The following VWDE variants were observed in gnomAD, a reference collection of about 807,000 sequenced individuals.
VWDE encodes the protein von Willebrand factor D and EGF domains.
In VWDE, 207 loss-of-function variants were observed where a neutral mutation model predicts 178.4. The ratio of observed to expected loss-of-function variants is 1.16; its 90% confidence interval spans 1.04 to 1.30. VWDE has a LOEUF of 1.30. Ranked by LOEUF, VWDE falls within the 50% of genes most tolerant of loss-of-function variation. The pLI is 0.00. For synonymous variants in VWDE, 738 were observed against 651.4 expected, an observed-to-expected ratio of 1.13 and a Z score of -2.02; for missense variants, 2,287 against 1,901.3, an observed-to-expected ratio of 1.20 and a Z score of -3.77.
At chr7:12,366,826 T>A (rs1381098616) in intron 13 of VWDE, among the ~76,000 whole-genome samples, 1 of 152,098 alleles carries the variant, frequency 6.6e-6, no homozygotes, top group Non-Finnish European at 1.5e-5. Flanking sequence ...TAAATAATCA[T>A]CAAAAATAAG....
At chr7:12,370,611 A>C in intron 11 of VWDE, 45 bp downstream of exon 11, 1 of 1,539,780 alleles carries the variant, frequency 6.5e-7, no homozygotes, top group South Asian at 1.2e-5. Context: ...CACCCGTTTT[A>C]AGTCTAATAT....
chr7:12,380,249 G>C (rs1583332695), intron 5 of VWDE, among the ~76,000 whole-genome samples: 2 of 150,328 alleles, frequency 1.3e-5, no homozygotes, highest in South Asian at 4.2e-4. Context: ...ATATAAAAAA[G>C]GATTAATAAT....
chr7:12,398,317 A>C (rs1488057261), intron 1 of VWDE, among the ~76,000 whole-genome samples: 1 of 152,138 alleles, frequency 6.6e-6, no homozygotes, highest in African/African-American at 2.4e-5. Context: ...GTCTTATCTG[A>C]GTTCCTTTCT....
intron 13 of VWDE, among the ~76,000 whole-genome samples, chr7:12,366,026 T>C (rs1782839616): frequency 6.6e-6 from 1 of 151,998 alleles, no homozygotes; most frequent in Admixed American, 6.6e-5. Context: ...TCTCATGAGA[T>C]CTCGATGGTT....
intron 13 of VWDE, among the ~76,000 whole-genome samples, chr7:12,363,813 C>A (rs1240649240): frequency 6.6e-6 from 1 of 151,792 alleles, no homozygotes; most frequent in African/African-American, 2.4e-5. Flanking sequence ...TTATAATCAA[C>A]CAGAGTGTGG....
chr7:12,400,660 A>T (rs1784853980), intron 1 of VWDE, among the ~76,000 whole-genome samples: 1 of 151,812 alleles, frequency 6.6e-6, no homozygotes. Context: ...AACACTTTCA[A>T]AAAATAGAAG....
Position 12,333,480 on chromosome 7 carries a change from A to C in VWDE, c.4743T>G (p.Cys1581Trp). Residue 1581 changes from cysteine to tryptophan, a missense_variant, in exon 28 of 29, where the codon TGT becomes TGG. Transcript: ENST00000275358. The part of the protein sequence containing the change: ...SCRTEYSGVK[C>W]EKKIQIRRH The stretch of plus-strand genomic sequence containing the variant: ...TCTGAAATACCTGTATTTTCTTCTC[A>C]CATTTGACTCCAGAGTATTCAGTGC... 1 of 1,544,946 alleles carries C rather than the reference A, an allele frequency of 6.5e-7. No individual in the cohort carries two copies. Among genetic ancestry groups the C allele is most frequent in the Non-Finnish European group, 8.8e-7 (1 of 1,142,834 alleles).
At chr7:12,333,956 G>A (rs1780873935) in intron 27 of VWDE, among the ~76,000 whole-genome samples, 1 of 151,922 alleles carries the variant, frequency 6.6e-6, no homozygotes, top group Admixed American at 6.6e-5. Flanking sequence ...AGACAACCCA[G>A]TACTGGCTAG....
intron 21 of VWDE, 57 bp downstream of exon 21, chr7:12,344,138 A>AAAGAAAAT: frequency 6.9e-7 from 1 of 1,445,352 alleles, no homozygotes; most frequent in Non-Finnish European, 9.5e-7. Context: ...AATGGTTTTT[A>AAAGAAAAT]AAGAAAATTA....
chr7:12,370,435 C>A lies in VWDE; in HGVS notation c.1871G>T (p.Ser624Ile). 6.5e-7 allele frequency: 1 copy of A among 1,544,654 alleles called. No individual in the cohort carries two copies. ...MTSPGKPSYC[S>I]CSLDTAAYPS... The stretch of plus-strand genomic sequence containing the variant: ...ATACGCTGCAGTGTCCAATGAACAG[C>A]TACAATAGGATGGCTTTCCAGGTGA... The change falls in exon 12 of 29, where the codon AGC becomes ATC. Residue 624 changes from serine to isoleucine, a missense_variant. Coordinates refer to ENST00000275358, the MANE Select transcript of VWDE (RefSeq NM_001135924.3).
At chr7:12,383,414 A>C (rs1783949983) in intron 4 of VWDE, 122 bp downstream of exon 4, 1 of 784,598 alleles carries the variant, frequency 1.3e-6, no homozygotes, top group South Asian at 1.7e-5. Context: ...TTTGATAGCT[A>C]CCAGACTTTG....
chr7:12,388,337 A>G (rs896482201), intron 3 of VWDE, among the ~76,000 whole-genome samples: 2 of 152,154 alleles, frequency 1.3e-5, no homozygotes, highest in Non-Finnish European at 2.9e-5. Context: ...GTTAACTGCA[A>G]TCACTTGATT....
intron 5 of VWDE, among the ~76,000 whole-genome samples, chr7:12,380,167 G>C (rs568735488): frequency 6.6e-6 from 1 of 151,244 alleles, no homozygotes; most frequent in Non-Finnish European, 1.5e-5. Context: ...ATTTTTTCTA[G>C]AATAAACGTA....
At chr7:12,403,523 G>T in intron 1 of VWDE, 136 bp downstream of exon 1, 1 of 754,390 alleles carries the variant, frequency 1.3e-6, no homozygotes, top group Non-Finnish European at 2.0e-6. Flanking sequence ...GAGGAGGCGG[G>T]TGAGGAACAA....
chr7:12,370,397 C>A lies in VWDE; in HGVS notation c.1909G>T (p.Asp637Tyr). The change falls in exon 12 of 29, where the codon GAT (aspartate) becomes TAT (tyrosine). Residue 637 changes from aspartate (D) to tyrosine (Y), a missense_variant. Asp to Tyr is a radical substitution (Grantham distance 160). Coordinates refer to ENST00000275358, the MANE Select transcript of VWDE (RefSeq NM_001135924.3). ...LDTAAYPSSEDLDSVSRSEIA... is the reference protein window; with the variant it reads ...LDTAAYPSSEYLDSVSRSEIA... ...TCTGATCGAGAAACACTGTCCAGATCTTCGGAAGACGGATACGCTGCAGTG... is the reference window on the plus strand; with the variant it reads ...TCTGATCGAGAAACACTGTCCAGATATTCGGAAGACGGATACGCTGCAGTG... 4 of 1,549,330 alleles carry A rather than the reference C, an allele frequency of 2.6e-6. No individual in the cohort carries two copies. The highest frequency in any genetic ancestry group is 3.5e-6 in the Non-Finnish European group (4 of 1,146,808).
chr7:12,367,206 A>C (rs960496192), intron 13 of VWDE, 151 bp downstream of exon 13: 2 of 522,002 alleles, frequency 3.8e-6, no homozygotes, highest in Non-Finnish European at 6.0e-6. Flanking sequence ...AAGCGTCAAC[A>C]TTATGTAACT....
chr7:12,403,745 G>C lies in VWDE; in HGVS notation c.-29C>G. ...TGCTTCCGCAGGTGGGGCGAAAGGC[G>C]TCGCAGAGCCCGGGCCGCGGGTGCC... On this transcript the variant is annotated 5_prime_UTR_variant, in exon 1 of 29. Coordinates refer to ENST00000275358, the MANE Select transcript of VWDE (RefSeq NM_001135924.3). 1 of 1,549,466 alleles carries C rather than the reference G, an allele frequency of 6.5e-7. No homozygotes were observed. Among genetic ancestry groups the C allele is most frequent in the Non-Finnish European group, 8.7e-7 (1 of 1,145,742 alleles).
intron 13 of VWDE, among the ~76,000 whole-genome samples, chr7:12,363,374 G>A (rs561710236): frequency 7.2e-5 from 11 of 152,062 alleles, no homozygotes; most frequent in African/African-American, 2.4e-4. Flanking sequence ...ATAGACAAGA[G>A]CTAAATCATA....
At chr7:12,383,429 T>A in intron 4 of VWDE, 107 bp downstream of exon 4, 1 of 907,682 alleles carries the variant, frequency 1.1e-6, no homozygotes, top group South Asian at 1.6e-5. Flanking sequence ...ACTTTGGTTA[T>A]ATCAAATATC....
Sources: allele counts gnomAD v4.1 joint callset (sites outside exome capture counted in the v4.1 genomes callset), GRCh38; gene constraint gnomAD v4.1.1; transcripts MANE v1.5; gene names NCBI Gene and HGNC (gene_info 2026-07-23, HGNC 2026-07-21).